The following SCYL3 variants were observed in gnomAD, a reference collection of about 807,000 sequenced individuals.
The protein encoded by SCYL3 is protein-associating with the carboxyl-terminal domain of ezrin.
Under a neutral mutation model 73.8 loss-of-function variants are expected in SCYL3, and 35 were observed. The ratio of observed to expected loss-of-function variants is 0.47; its 90% confidence interval spans 0.36 to 0.63. The LOEUF (loss-of-function observed/expected upper bound fraction) is 0.63. SCYL3 is among the 20% of genes least tolerant of loss of function. The pLI is 0.00. For synonymous variants in SCYL3, 277 were observed against 295.2 expected, an observed-to-expected ratio of 0.94 and a Z score of 0.63; for missense variants, 712 against 798.9, an observed-to-expected ratio of 0.89 and a Z score of 1.31.
At position 169,853,943 on chromosome 1, in the gene SCYL3, C is replaced by T. The variant is rs142537268; in HGVS notation, c.2008-171G>A. 3.1e-4 allele frequency: 224 copies of T among 733,266 alleles called. 1 individual carries two copies. In the African/African-American group the frequency reaches 3.8e-3, roughly 12 times the overall value. The allele number at this position is 733,266 out of a possible 1,614,324, so 45.4% of individuals were successfully genotyped here. Reference sequence around the variant, plus strand: ...AACAGAAAGTTGAAAAGTAGGATTACAAAACCATGGCACTGGAAAATAGCT... The same window carrying T: ...AACAGAAAGTTGAAAAGTAGGATTATAAAACCATGGCACTGGAAAATAGCT... On this transcript the variant is annotated intron_variant, in intron 12 of 12. Transcript: ENST00000367771.
intron 5 of SCYL3, 110 bp from the exon 6 acceptor site, chr1:169,870,467 T>C (rs1249659354): frequency 2.9e-6 from 2 of 684,958 alleles, no homozygotes; most frequent in Non-Finnish European, 2.6e-6. Context: ...CAAATCTATC[T>C]TCAGACCACC....
intron 8 of SCYL3, among the ~76,000 whole-genome samples, chr1:169,866,024 C>T (rs1463888588): frequency 6.6e-6 from 1 of 152,214 alleles, no homozygotes; most frequent in Non-Finnish European, 1.5e-5. Flanking sequence ...CCCTCTAGCT[C>T]ATCAGCTTAA....
intron 3 of SCYL3, among the ~76,000 whole-genome samples, chr1:169,876,818 G>A (rs1053597068): frequency 6.6e-6 from 1 of 152,006 alleles, no homozygotes; most frequent in African/African-American, 2.4e-5. Context: ...AGCCGGGCAT[G>A]GTGGCGGGCG....
rs12136425 is a variant in SCYL3, at chr1:169,860,963, G to T, written c.1140+1650C>A. ...GAAGCAGTTTCCTAAGTAATGAGAG[G>T]TTTCATTGTCTTCCACATGCTCAAC... On this transcript the variant is annotated intron_variant, in intron 10 of 12. Transcript: ENST00000367771. Among the ~76,000 whole-genome samples, 8 of 152,134 alleles carry T rather than the reference G, an allele frequency of 5.3e-5. No homozygotes were observed. In the East Asian group the frequency reaches 1.5e-3, roughly 29 times the overall value.
At chr1:169,861,232 C>G (rs944467596) in intron 10 of SCYL3, among the ~76,000 whole-genome samples, 4 of 152,226 alleles carry the variant, frequency 2.6e-5, no homozygotes, top group African/African-American at 9.6e-5. Flanking sequence ...CACAATGAGC[C>G]TGGGCTTTTT....
chr1:169,858,347 C>A (rs747172058), intron 11 of SCYL3, among the ~76,000 whole-genome samples: 1 of 152,188 alleles, frequency 6.6e-6, no homozygotes, highest in Non-Finnish European at 1.5e-5. Flanking sequence ...GGGTCAAGAT[C>A]ATCAATTTCA....
chr1:169,870,403 G>T, intron 5 of SCYL3, 46 bp from the exon 6 acceptor site: 2 of 1,350,324 alleles, frequency 1.5e-6, no homozygotes, highest in South Asian at 1.2e-5. Context: ...TGCCTTATAA[G>T]CCATTTCTAA....
intron 5 of SCYL3, among the ~76,000 whole-genome samples, chr1:169,871,729 G>A (rs929314115): frequency 6.6e-6 from 1 of 152,222 alleles, no homozygotes; most frequent in Non-Finnish European, 1.5e-5. Flanking sequence ...GGTCCAGGCT[G>A]AGGTGGTCTC....
At chr1:169,870,205 G>T in intron 6 of SCYL3, 50 bp downstream of exon 6, 1 of 1,294,564 alleles carries the variant, frequency 7.7e-7, no homozygotes, top group Non-Finnish European at 1.1e-6. Flanking sequence ...ATACGTCATG[G>T]ATGATTTTCC....
intron 5 of SCYL3, among the ~76,000 whole-genome samples, chr1:169,870,679 C>T (rs2102171207): frequency 6.6e-6 from 1 of 152,046 alleles, no homozygotes. Context: ...TAAATACACA[C>T]ATAATGGAAA....
chr1:169,884,594 G>A (rs1202950803), intron 2 of SCYL3, among the ~76,000 whole-genome samples: 1 of 152,164 alleles, frequency 6.6e-6, no homozygotes, highest in African/African-American at 2.4e-5. Context: ...CACCTTGCCT[G>A]GCCTACAGGT....
chr1:169,886,721 A>T (rs1661711351), intron 2 of SCYL3, among the ~76,000 whole-genome samples: 1 of 152,222 alleles, frequency 6.6e-6, no homozygotes, highest in South Asian at 2.1e-4. Context: ...CAGTTAGCAA[A>T]TTATACTGTT....
chr1:169,878,033 A>C (rs1398291931), intron 3 of SCYL3, among the ~76,000 whole-genome samples: 1 of 152,226 alleles, frequency 6.6e-6, no homozygotes, highest in Admixed American at 6.5e-5. Context: ...TTAAGAAAAC[A>C]GTAATACTGT....
chr1:169,853,342 T>TATG lies in SCYL3; in HGVS notation c.*368_*370dup, dbSNP rs1658677819. Reference sequence around the variant, plus strand: ...TGTATTTCATAATAGAGCTTACTCTTATGTTAAAGAATGGCACAAAATTAA... The same window carrying TATG: ...TGTATTTCATAATAGAGCTTACTCTTATGATGTTAAAGAATGGCACAAAATTAA... On this transcript the variant is annotated 3_prime_UTR_variant, in exon 13 of 13. Coordinates refer to ENST00000367771, the MANE Select transcript of SCYL3 (RefSeq NM_020423.7). 1 of 324,454 alleles carries TATG rather than the reference T, an allele frequency of 3.1e-6. No homozygotes were observed. The highest frequency in any genetic ancestry group is 5.6e-6 in the Non-Finnish European group (1 of 178,996). 20.1% of individuals were successfully genotyped at this position (324,454 alleles called of 1,614,324 possible). A position where few individuals can be genotyped will look rare whatever the true frequency, so the allele number is the denominator to read the frequency against.
intron 2 of SCYL3, among the ~76,000 whole-genome samples, chr1:169,885,924 G>C (rs12146043): frequency 0.066 from 9,992 of 152,260 alleles, 427 homozygotes; most frequent in Non-Finnish European, 0.1. Context: ...TGAGGCATGG[G>C]GGATACTTCT....
intron 10 of SCYL3, among the ~76,000 whole-genome samples, chr1:169,861,093 C>T (rs1423085296): frequency 6.6e-6 from 1 of 152,168 alleles, no homozygotes; most frequent in Non-Finnish European, 1.5e-5. Context: ...CAACTACATA[C>T]AGGGTAACAA....
chr1:169,861,162 TTAAAG>T (rs1337301182), intron 10 of SCYL3, among the ~76,000 whole-genome samples: 1 of 152,204 alleles, frequency 6.6e-6, no homozygotes, highest in Non-Finnish European at 1.5e-5. Context: ...CACAGAGACT[TTAAAG>T]TCAGCCCCCA....
chr1:169,870,354 G>A lies in SCYL3; in HGVS notation c.526C>T (p.Pro176Ser), dbSNP rs1331964195. The A allele has an allele frequency of 2.6e-5, 42 of 1,607,508 alleles. No homozygotes were observed. The highest frequency in any genetic ancestry group is 3.5e-5 in the Non-Finnish European group (41 of 1,175,564). Reference sequence around the variant, plus strand: ...CACTCTGGGAGAGTTGTGAATTCTGGAGACTAAAAGCAGTGAAGACAATTA... The same window carrying A: ...CACTCTGGGAGAGTTGTGAATTCTGAAGACTAAAAGCAGTGAAGACAATTA... ...PASIPPEEMS[P>S]EFTTLPECHG... Residue 176 changes from proline to serine, a missense_variant, in exon 6 of 13, where the codon CCA becomes TCA. Transcript: ENST00000367771.
In SCYL3 at chr1:169,853,028, C is replaced by CT. The variant is rs768226979; in HGVS notation, c.*684dup. ...AGAACTGGGTTTGATGCTTTGTCAA[C>CT]TGAAAATACTTATGTCTGTACATTT... On this transcript the variant is annotated 3_prime_UTR_variant, in exon 13 of 13. Transcript: ENST00000367771. The CT allele has an allele frequency of 6.3e-6, 10 of 1,581,554 alleles. No individual in the cohort carries two copies. In the Admixed American group the frequency reaches 1.7e-4, roughly 26 times the overall value.
Sources: gnomAD v4.1 joint callset for allele counts (sites outside exome capture counted in the v4.1 genomes callset) on GRCh38, gnomAD v4.1.1 for gene constraint, MANE v1.5 for transcripts, NCBI Gene and HGNC (gene_info 2026-07-23, HGNC 2026-07-21) for gene names.